The following SIRPG variants were observed in gnomAD, a reference collection of about 807,000 sequenced individuals.
SIRPG encodes the protein signal regulatory protein gamma.
Under a neutral mutation model 35.7 loss-of-function variants are expected in SIRPG, and 38 were observed. The observed-to-expected ratio is 1.06, with a 90% CI of 0.82 to 1.40. SIRPG has a LOEUF of 1.40. SIRPG is among the 40% of genes most tolerant of loss of function. SIRPG has a pLI of 0.00. For synonymous variants in SIRPG, 215 were observed against 190.4 expected (o/e 1.13, Z -1.06); for missense variants, 519 against 483.0 (o/e 1.07, Z -0.70).
chr20:1,659,816 G>C (rs918266302), upstream of SIRPG, among the ~76,000 whole-genome samples: 1 of 152,224 alleles, frequency 6.6e-6, no homozygotes, highest in African/African-American at 2.4e-5. Flanking sequence ...ATTAGGAGCA[G>C]CCCTCATAGT....
chr20:1,678,067 A>C, the SIRPG span, among the ~76,000 whole-genome samples: 1 of 152,142 alleles, frequency 6.6e-6, no homozygotes, highest in Non-Finnish European at 1.5e-5. Context: ...TTTTTAAAAA[A>C]CAGCTATGTT....
chr20:1,634,826 G>A (rs1250920773), intron 4 of SIRPG, among the ~76,000 whole-genome samples: 1 of 151,870 alleles, frequency 6.6e-6, no homozygotes, highest in Non-Finnish European at 1.5e-5. Context: ...GGCGGATCAC[G>A]AGGTCAGGAG....
At chr20:1,635,650 A>G in intron 3 of SIRPG, 51 bp from the exon 4 acceptor site, 1 of 1,581,002 alleles carries the variant, frequency 6.3e-7, no homozygotes, top group Non-Finnish European at 8.6e-7. Context: ...GACAGATCAC[A>G]GGGAGGGCTC....
At chr20:1,684,858 TAGTAGAGTTA>T in the SIRPG span, among the ~76,000 whole-genome samples, 23,330 of 152,036 alleles carry the variant, frequency 0.15, 2,398 homozygotes, top group African/African-American at 0.31. Flanking sequence ...TTGTGAGGAT[TAGTAGAGTTA>T]AGTAGAGTTA....
intron 2 of SIRPG, among the ~76,000 whole-genome samples, chr20:1,638,952 A>G (rs2091827640): frequency 6.6e-6 from 1 of 152,096 alleles, no homozygotes; most frequent in Non-Finnish European, 1.5e-5. Flanking sequence ...ACATGAACTC[A>G]TTCTTTTTTA....
chr20:1,655,047 G>A (rs2091966993), intron 1 of SIRPG, among the ~76,000 whole-genome samples: 1 of 152,144 alleles, frequency 6.6e-6, no homozygotes, highest in Non-Finnish European at 1.5e-5. Context: ...GAGAAGATGT[G>A]GAGAAAAGGG....
the SIRPG span, among the ~76,000 whole-genome samples, chr20:1,682,314 C>T: frequency 1.3e-5 from 2 of 152,172 alleles, no homozygotes; most frequent in Non-Finnish European, 2.9e-5. Flanking sequence ...GTGTGTTTCG[C>T]ATAGTCAAGT....
chr20:1,679,619 G>A, the SIRPG span, among the ~76,000 whole-genome samples: 1 of 152,016 alleles, frequency 6.6e-6, no homozygotes, highest in Admixed American at 6.6e-5. Context: ...TGGGAACTAT[G>A]AGTAGAATAA....
chr20:1,633,465 A>G (rs1600192577), intron 4 of SIRPG: 2 of 152,228 alleles, frequency 1.3e-5, no homozygotes, highest in South Asian at 4.1e-4. Flanking sequence ...TTGAAATTGT[A>G]TTAACTGTAA....
At chr20:1,675,165 C>T in the SIRPG span, among the ~76,000 whole-genome samples, 3 of 152,328 alleles carry the variant, frequency 2.0e-5, no homozygotes, top group East Asian at 3.9e-4. Flanking sequence ...CTTACAGTGG[C>T]CCCACTCACC....
At chr20:1,662,252 A>AATT (rs1415258442), upstream of SIRPG, among the ~76,000 whole-genome samples, 2 of 152,182 alleles carry the variant, frequency 1.3e-5, no homozygotes, top group Non-Finnish European at 2.9e-5. Flanking sequence ...CCTGCACTGT[A>AATT]ATTGAAGAAT....
At chr20:1,633,381 T>G (rs561985124) in intron 4 of SIRPG, 153 of 152,332 alleles carry the variant, frequency 1.0e-3, no homozygotes, top group African/African-American at 3.6e-3. Flanking sequence ...TGAGGAAAAT[T>G]TGAATGTATA....
chr20:1,643,439 A>T (rs1226199267), intron 2 of SIRPG, among the ~76,000 whole-genome samples: 1 of 152,090 alleles, frequency 6.6e-6, no homozygotes, highest in African/African-American at 2.4e-5. Flanking sequence ...ATGTTCCTCT[A>T]TAAACTGGTT....
At chr20:1,683,295 G>A in the SIRPG span, among the ~76,000 whole-genome samples, 1 of 152,200 alleles carries the variant, frequency 6.6e-6, no homozygotes, top group Non-Finnish European at 1.5e-5. Flanking sequence ...CCCACTGTTG[G>A]TGAGAATGTA....
chr20:1,675,242 G>A, the SIRPG span, among the ~76,000 whole-genome samples: 1 of 152,118 alleles, frequency 6.6e-6, no homozygotes, highest in Non-Finnish European at 1.5e-5. Flanking sequence ...CACGTGCTCT[G>A]CTGGGCTGCA....
rs781714804 is a variant in SIRPG, at chr20:1,657,689, T to A, written c.26A>T (p.His9Leu). 2.5e-6 allele frequency: 4 copies of A among 1,614,018 alleles called. No homozygotes were observed. The East Asian group carries it at 8.9e-5, about 36-fold the overall frequency. ...CAGAAGCAGGAAAGGACCAGGAGGA[T>A]GGGGCCAGGAGGCTGGGACAGGCAT... MPVPASWP[H>L]PPGPFLLLTL... The change falls in exon 1 of 6, where the codon CAT becomes CTT. Residue 9 changes from histidine to leucine, a missense_variant. Physicochemically the swap from His to Leu is moderately conservative, Grantham distance 99. Transcript: ENST00000303415.
At chr20:1,639,686 A>G in intron 2 of SIRPG, among the ~76,000 whole-genome samples, 1 of 152,174 alleles carries the variant, frequency 6.6e-6, no homozygotes, top group East Asian at 1.9e-4. Context: ...TTCGTCATGA[A>G]GTCTTTGCCC....
the SIRPG span, among the ~76,000 whole-genome samples, chr20:1,668,433 C>T: frequency 1.7e-4 from 26 of 151,898 alleles, 1 homozygote; most frequent in African/African-American, 6.3e-4. Context: ...CAGGCACACA[C>T]CCACCATGCC....
At chr20:1,648,271 G>T (rs1382490788) in intron 2 of SIRPG, 1 of 152,170 alleles carries the variant, frequency 6.6e-6, no homozygotes, top group African/African-American at 2.4e-5. Context: ...AGATGACCCA[G>T]CTCTGCTCAG....
Sources: gnomAD v4.1 joint callset for allele counts (sites outside exome capture counted in the v4.1 genomes callset) on GRCh38, gnomAD v4.1.1 for gene constraint, MANE v1.5 for transcripts, NCBI Gene and HGNC (gene_info 2026-07-23, HGNC 2026-07-21) for gene names.